GPC5: variants seen among roughly 807,000 people sequenced by gnomAD.
GPC5 encodes the protein glypican 5.
In GPC5, 47 loss-of-function variants were observed where a neutral mutation model predicts 53.9. The observed-to-expected ratio is 0.87, with a 90% CI of 0.69 to 1.11. GPC5 has a LOEUF of 1.11. Ranked by LOEUF, GPC5 falls within the 50% of genes most tolerant of loss-of-function variation. The pLI is 0.00. For synonymous variants in GPC5, 286 were observed against 263.3 expected (o/e 1.09, Z -0.84); for missense variants, 748 against 713.1 (o/e 1.05, Z -0.56).
chr13:92,290,800 C>G (rs2042988673), intron 7 of GPC5, among the ~76,000 whole-genome samples: 1 of 152,196 alleles, frequency 6.6e-6, no homozygotes, highest in South Asian at 2.1e-4. Flanking sequence ...CTTGAGGAGC[C>G]CTTCAGCCCG....
At chr13:91,510,334 A>G (rs977176117) in intron 2 of GPC5, among the ~76,000 whole-genome samples, 5 of 152,244 alleles carry the variant, frequency 3.3e-5, no homozygotes, top group Admixed American at 3.3e-4. Context: ...TTATTTTCAC[A>G]TCTACACATA....
rs67507888 is a variant in GPC5 at position 91,650,750 on chromosome 13, G to GTTTTTTTTTTTTTTTTTTTTTTTTT, written c.326-42415_326-42414insTTTTTTTTTTTTTTTTTTTTTTTTT. ...CATCTGTGAAACAAAATTCCCATAA[G>GTTTTTTTTTTTTTTTTTTTTTTTTT]TTTTTTTTTTTTTTTTTTTTTTAGC... On this transcript the variant is annotated intron_variant, in intron 2 of 7. Coordinates refer to ENST00000377067, the MANE Select transcript of GPC5 (RefSeq NM_004466.6). Among the ~76,000 whole-genome samples, 35 of 99,598 alleles carry GTTTTTTTTTTTTTTTTTTTTTTTTT rather than the reference G, an allele frequency of 3.5e-4. 1 individual carries two copies. Among genetic ancestry groups the GTTTTTTTTTTTTTTTTTTTTTTTTT allele is most frequent in the East Asian group, 1.6e-3 (5 of 3,042 alleles). 65.3% of individuals were successfully genotyped at this position (99,598 alleles called of 152,430 possible).
chr13:92,364,162 G>T (rs2043590027), intron 7 of GPC5, among the ~76,000 whole-genome samples: 1 of 151,734 alleles, frequency 6.6e-6, no homozygotes, highest in Non-Finnish European at 1.5e-5. Flanking sequence ...GTAATAGTCT[G>T]CAAAGATACC....
At chr13:91,861,682 T>C (rs2039030041) in intron 5 of GPC5, among the ~76,000 whole-genome samples, 2 of 126,520 alleles carry the variant, frequency 1.6e-5, no homozygotes, top group African/African-American at 5.2e-5. Context: ...TACCTTACAA[T>C]TGGATAATTT....
chr13:91,461,627 G>A (rs1881934627), intron 2 of GPC5, among the ~76,000 whole-genome samples: 1 of 152,060 alleles, frequency 6.6e-6, no homozygotes. Flanking sequence ...CGTACATAAT[G>A]AACACTCAAC....
intron 7 of GPC5, among the ~76,000 whole-genome samples, chr13:92,438,233 C>T (rs1877397119): frequency 6.6e-6 from 1 of 151,872 alleles, no homozygotes; most frequent in African/African-American, 2.4e-5. Context: ...CCTATGAACA[C>T]ATAAATGGAG....
chr13:92,620,314 A>G (rs1884830499), intron 7 of GPC5, among the ~76,000 whole-genome samples: 1 of 152,140 alleles, frequency 6.6e-6, no homozygotes, highest in Admixed American at 6.5e-5. Context: ...TATTTAGAGG[A>G]TCAATCCAGG....
In GPC5 at chr13:92,527,481, G is replaced by A. The variant is rs181796352; in HGVS notation, c.1562-338801G>A. Reference sequence around the variant, plus strand: ...ACAAGTAAAATAGGGGGTAAGGTGTGGCTGTTGCATTTGGAAAAACAAAGG... The same window carrying A: ...ACAAGTAAAATAGGGGGTAAGGTGTAGCTGTTGCATTTGGAAAAACAAAGG... On this transcript the variant is annotated intron_variant, in intron 7 of 7. Transcript: ENST00000377067. Among the ~76,000 whole-genome samples, 8 of 152,162 alleles carry A rather than the reference G, an allele frequency of 5.3e-5. No individual in the cohort carries two copies. In the South Asian group the frequency reaches 8.3e-4, roughly 16 times the overall value.
intron 6 of GPC5, among the ~76,000 whole-genome samples, chr13:91,977,704 G>A (rs957976166): frequency 2.0e-5 from 3 of 152,174 alleles, no homozygotes; most frequent in African/African-American, 7.2e-5. Context: ...AGTGGTCATA[G>A]CCAAGAGAAT....
At chr13:91,986,579 ACTCCTATAGTGAGCACCT>A (rs1304744717) in intron 6 of GPC5, among the ~76,000 whole-genome samples, 2 of 151,958 alleles carry the variant, frequency 1.3e-5, no homozygotes, top group African/African-American at 2.4e-5. Context: ...GCATGACATG[ACTCCTATAGTGAGCACCT>A]CACTTATTTC....
rs560019521 is a variant in GPC5 at position 92,126,088 on chromosome 13, G to A, written c.1402-18742G>A. ...TCCTGCCTCAGCCTCCTGAGTAGCT[G>A]GGATTATAGGCACGTGCCACCACAC... On this transcript the variant is annotated intron_variant, in intron 6 of 7. Transcript: ENST00000377067. Among the ~76,000 whole-genome samples, 14 of 151,556 alleles carry A rather than the reference G, an allele frequency of 9.2e-5. No homozygotes were observed. The South Asian group carries it at 2.9e-3, about 32-fold the overall frequency.
chr13:91,546,035 A>G (rs1166465667), intron 2 of GPC5, among the ~76,000 whole-genome samples: 2 of 152,136 alleles, frequency 1.3e-5, no homozygotes. Flanking sequence ...ACAGATTTAT[A>G]TAATGTAAGA....
chr13:92,010,752 G>A (rs1162999176), intron 6 of GPC5, among the ~76,000 whole-genome samples: 4 of 152,158 alleles, frequency 2.6e-5, no homozygotes, highest in Admixed American at 1.3e-4. Context: ...TAAGGACACA[G>A]CAAGAAAGTA....
intron 7 of GPC5, among the ~76,000 whole-genome samples, chr13:92,392,750 G>C (rs1047273723): frequency 6.6e-6 from 1 of 152,078 alleles, no homozygotes; most frequent in Non-Finnish European, 1.5e-5. Context: ...CAGGAACAGA[G>C]ACTGCTCAAA....
At chr13:92,639,225 AATG>A (rs1205586432) in intron 7 of GPC5, among the ~76,000 whole-genome samples, 1 of 152,186 alleles carries the variant, frequency 6.6e-6, no homozygotes, top group Non-Finnish European at 1.5e-5. Flanking sequence ...CACTAAATTC[AATG>A]ATGAACATTA....
intron 7 of GPC5, among the ~76,000 whole-genome samples, chr13:92,557,367 A>G (rs1039579071): frequency 6.6e-6 from 1 of 151,966 alleles, no homozygotes; most frequent in African/African-American, 2.4e-5. Flanking sequence ...AGCACTGGTA[A>G]GCCTTTTTAT....
At chr13:92,671,874 G>C (rs1421671575) in intron 7 of GPC5, among the ~76,000 whole-genome samples, 3 of 152,168 alleles carry the variant, frequency 2.0e-5, no homozygotes, top group East Asian at 3.8e-4. Flanking sequence ...GTGCAGGGTG[G>C]ATTAGAAATG....
At chr13:91,730,025 TG>T (rs2036661016) in intron 4 of GPC5, among the ~76,000 whole-genome samples, 1 of 152,280 alleles carries the variant, frequency 6.6e-6, no homozygotes, top group Admixed American at 6.5e-5. Context: ...GCAAACTCAT[TG>T]TTTTGATGTC....
intron 2 of GPC5, among the ~76,000 whole-genome samples, chr13:91,492,867 A>G (rs1295689442): frequency 6.6e-6 from 1 of 152,116 alleles, no homozygotes; most frequent in Non-Finnish European, 1.5e-5. Context: ...CTTGTTTCTC[A>G]TTATTAGAAA....
Sources: allele counts gnomAD v4.1 joint callset (sites outside exome capture counted in the v4.1 genomes callset), GRCh38; gene constraint gnomAD v4.1.1; transcripts MANE v1.5; gene names NCBI Gene and HGNC (gene_info 2026-07-23, HGNC 2026-07-21).